Variants in PPP2CB observed in about 807,000 individuals in gnomAD.
PPP2CB encodes protein phosphatase 2 catalytic subunit beta, also known as serine/threonine-protein phosphatase 2A catalytic subunit beta isoform.
PPP2CB carries 18 observed loss-of-function variants against 39.1 expected under a neutral mutation model. That is an observed-to-expected ratio of 0.46 (90% CI 0.32 to 0.68). The LOEUF is 0.68. Among genes scored for constraint, PPP2CB ranks in the 30% least tolerant of loss-of-function variants. The pLI is 0.04. For synonymous variants in PPP2CB, 129 were observed against 133.8 expected, an observed-to-expected ratio of 0.96 and a Z score of 0.25; for missense variants, 226 against 396.9, an observed-to-expected ratio of 0.57 and a Z score of 3.66.
At chr8:30,791,467 T>C (rs1806427429) in intron 5 of PPP2CB, 152 bp from the exon 6 acceptor site, 1 of 606,078 alleles carries the variant, frequency 1.6e-6, no homozygotes, top group African/African-American at 1.9e-5. Flanking sequence ...TTTAATAGTT[T>C]GTGTACCTGT....
rs527245672 is a variant in PPP2CB at position 30,804,892 on chromosome 8, TAA to T, written c.103-5139_103-5138del. On this transcript the variant is annotated intron_variant, in intron 1 of 6. Transcript: ENST00000221138. ...GGAAGGTTTTCTATGACCACCCTAT[TAA>T]AAAAAAAAGAGTCTCTTGAATTCAA... Among the ~76,000 whole-genome samples the T allele has an allele frequency of 2.3e-3, 347 of 148,326 alleles. 4 individuals carry two copies. The highest frequency in any genetic ancestry group is 7.9e-3 in the African/African-American group (319 of 40,376).
Position 30,812,405 on chromosome 8 carries a change from A to G in PPP2CB, c.17T>C (p.Phe6Ser). 1.3e-6 allele frequency: 2 copies of G among 1,537,930 alleles called. No individual in the cohort carries two copies. The highest frequency in any genetic ancestry group is 1.8e-6 in the Non-Finnish European group (2 of 1,137,938). ...GACCCACTGGTCCAGCTCCTTGGTG[A>G]ACGCCTTGTCGTCCATGGCGGCCCG... is the stretch of plus-strand genomic sequence containing the variant. MDDKA[F>S]TKELDQWVEQ... The change falls in exon 1 of 7, where the codon TTC becomes TCC. Residue 6 changes from phenylalanine to serine, a missense_variant. Physicochemically the swap from Phe to Ser is radical, Grantham distance 155. This residue lies in a region of PPP2CB where 59 missense variants were observed against 42.6 expected (regional missense o/e 1.38). Transcript: ENST00000221138.
chr8:30,803,782 TTGG>T (rs1806665719), intron 1 of PPP2CB, among the ~76,000 whole-genome samples: 1 of 121,820 alleles, frequency 8.2e-6, no homozygotes, highest in African/African-American at 5.3e-5. Context: ...TGGCTAACTT[TTGG>T]AGAATTTATA....
At chr8:30,791,840 A>G (rs1806435588) in intron 5 of PPP2CB, among the ~76,000 whole-genome samples, 1 of 151,116 alleles carries the variant, frequency 6.6e-6, no homozygotes, top group East Asian at 1.9e-4. Context: ...GTGTATATAC[A>G]TATGTATATA....
chr8:30,805,061 AATG>A (rs1563217280), intron 1 of PPP2CB, among the ~76,000 whole-genome samples: 1 of 152,262 alleles, frequency 6.6e-6, no homozygotes, highest in South Asian at 2.1e-4. Flanking sequence ...AAATCTGTTG[AATG>A]TACGGGATAA....
intron 3 of PPP2CB, 121 bp from the exon 4 acceptor site, chr8:30,794,402 C>A (rs1234977904): frequency 6.2e-5 from 54 of 870,680 alleles, no homozygotes; most frequent in Non-Finnish European, 1.4e-5. Context: ...ATATTTTGTC[C>A]ATCATTTTTT....
At chr8:30,803,976 C>A (rs370462121) in intron 1 of PPP2CB, among the ~76,000 whole-genome samples, 1 of 152,116 alleles carries the variant, frequency 6.6e-6, no homozygotes, top group Non-Finnish European at 1.5e-5. Context: ...GCGCGTGCCA[C>A]CACACCCAGC....
At chr8:30,791,170 A>C in intron 6 of PPP2CB, 27 bp downstream of exon 6, 1 of 1,453,088 alleles carries the variant, frequency 6.9e-7, no homozygotes, top group South Asian at 1.2e-5. Flanking sequence ...CTGAAAGTAT[A>C]TACAATTAAA....
At position 30,791,125 on chromosome 8, in the gene PPP2CB, G is replaced by A. The variant is rs893186605; in HGVS notation, c.857+72C>T. The A allele has an allele frequency of 3.8e-6, 4 of 1,061,382 alleles. No individual in the cohort carries two copies. The African/African-American group carries it at 6.5e-5, about 17-fold the overall frequency. The allele number at this position is 1,061,382 out of a possible 1,614,324, so 65.7% of individuals were successfully genotyped here. On this transcript the variant is annotated intron_variant, in intron 6 of 6. Transcript: ENST00000221138. The stretch of plus-strand genomic sequence containing the variant: ...TACTCCTCATCCAATTTCAGAAACA[G>A]AAATCTTCTATTTTTAACATTTAAA...
At chr8:30,792,454 G>A (rs373034278) in intron 5 of PPP2CB, among the ~76,000 whole-genome samples, 9 of 147,844 alleles carry the variant, frequency 6.1e-5, no homozygotes, top group African/African-American at 2.0e-4. Flanking sequence ...CTTTTTCCTC[G>A]TTTTTTTGAG....
intron 6 of PPP2CB, 31 bp downstream of exon 6, chr8:30,791,166 G>A (rs376984577): frequency 1.7e-5 from 24 of 1,427,610 alleles, no homozygotes; most frequent in Non-Finnish European, 2.2e-5. Flanking sequence ...CCTTCTGAAA[G>A]TATATACAAT....
intron 3 of PPP2CB, 26 bp from the exon 4 acceptor site, chr8:30,794,307 TG>T (rs746356719): frequency 3.0e-5 from 47 of 1,565,264 alleles, no homozygotes; most frequent in Non-Finnish European, 5.3e-6. Flanking sequence ...CAAAAGAGAA[TG>T]TATTTGTTTT....
At chr8:30,791,167 T>C (rs1806421406) in intron 6 of PPP2CB, 30 bp downstream of exon 6, 2 of 1,429,314 alleles carry the variant, frequency 1.4e-6, no homozygotes, top group Non-Finnish European at 1.9e-6. Context: ...CTTCTGAAAG[T>C]ATATACAATT....
intron 5 of PPP2CB, among the ~76,000 whole-genome samples, chr8:30,791,870 ATG>A (rs749829761): frequency 3.7e-4 from 55 of 150,358 alleles, no homozygotes; most frequent in Middle Eastern, 3.5e-3. Context: ...ATATGTATAT[ATG>A]TGTGTGCATA....
intron 3 of PPP2CB, among the ~76,000 whole-genome samples, chr8:30,795,917 G>T (rs1407743887): frequency 6.6e-6 from 1 of 152,040 alleles, no homozygotes; most frequent in Non-Finnish European, 1.5e-5. Flanking sequence ...TTTTCTTCTA[G>T]ATCAGTTTTG....
intron 1 of PPP2CB, among the ~76,000 whole-genome samples, chr8:30,805,467 G>A (rs2128762488): frequency 6.6e-6 from 1 of 152,264 alleles, no homozygotes; most frequent in African/African-American, 2.4e-5. Flanking sequence ...GGCTGGGGCA[G>A]GTGAATGGCA....
chr8:30,797,479 G>T, intron 3 of PPP2CB, 102 bp downstream of exon 3: 1 of 1,162,148 alleles, frequency 8.6e-7, no homozygotes, highest in Non-Finnish European at 1.2e-6. Flanking sequence ...AGGCCGAGGA[G>T]ATGCAGAAAC....
chr8:30,795,496 CTGAGTTT>C (rs1483650321), intron 3 of PPP2CB, among the ~76,000 whole-genome samples: 1 of 152,194 alleles, frequency 6.6e-6, no homozygotes, highest in East Asian at 1.9e-4. Context: ...TATAAAATAA[CTGAGTTT>C]TGAATCATAA....
At chr8:30,789,750 T>C (rs1416471264) in intron 6 of PPP2CB, among the ~76,000 whole-genome samples, 2 of 152,212 alleles carry the variant, frequency 1.3e-5, no homozygotes, top group African/African-American at 4.8e-5. Flanking sequence ...GGTTACACCA[T>C]TTGTTGATCA....
Sources: allele counts gnomAD v4.1 joint callset (sites outside exome capture counted in the v4.1 genomes callset), GRCh38; gene constraint gnomAD v4.1.1; regional missense constraint gnomAD v4.1.1; transcripts MANE v1.5; gene names NCBI Gene and HGNC (gene_info 2026-07-23, HGNC 2026-07-21).